TMEM220: variants seen among roughly 807,000 people sequenced by gnomAD.
TMEM220 encodes the protein transmembrane protein 220.
Under a neutral mutation model 21.7 loss-of-function variants are expected in TMEM220, and 21 were observed. That is an observed-to-expected ratio of 0.97 (90% CI 0.69 to 1.39). The LOEUF (loss-of-function observed/expected upper bound fraction) is 1.39, where lower values mean the gene tolerates loss of function less well. TMEM220 is among the 40% of genes most tolerant of loss of function. The pLI, the probability that TMEM220 is intolerant of heterozygous loss-of-function variation, is 0.00. For missense variants in TMEM220, 191 were observed against 201.9 expected (o/e 0.95, Z 0.33); for synonymous variants, 80 against 73.6 (o/e 1.09, Z -0.45).
intron 2 of TMEM220, among the ~76,000 whole-genome samples, chr17:10,728,197 T>C (rs539737327): frequency 6.0e-5 from 9 of 149,436 alleles, no homozygotes; most frequent in Admixed American, 2.0e-4. Flanking sequence ...AGAAGATGTA[T>C]GGAACAATGG....
chr17:10,723,165 G>C (rs2075011896), intron 5 of TMEM220, 105 bp downstream of exon 5: 1 of 959,864 alleles, frequency 1.0e-6, no homozygotes, highest in Non-Finnish European at 1.7e-6. Context: ...TATTTTAGTA[G>C]AGACAGGGTT....
intron 4 of TMEM220, chr17:10,724,608 G>C (rs1336540941): frequency 6.1e-6 from 1 of 163,852 alleles, no homozygotes; most frequent in African/African-American, 2.4e-5. Context: ...ACTGACCTCT[G>C]AGATGGCTGC....
Position 10,717,820 on chromosome 17 carries a change from G to T in TMEM220, c.348-2232C>A, listed in dbSNP as rs181658158. Among the ~76,000 whole-genome samples, 140 of 151,790 alleles carry T rather than the reference G, an allele frequency of 9.2e-4. 1 individual carries two copies. In the East Asian group the frequency reaches 0.022, roughly 24 times the overall value. ...TAGGAAAAATTTAAATTATGAACTC[G>T]ATTTTTTTTTTTCTTTGAGACGGAG... is the stretch of plus-strand genomic sequence containing the variant. On this transcript the variant is annotated intron_variant, in intron 5 of 5. Transcript: ENST00000341871.
At chr17:10,717,933 G>A (rs1456285005) in intron 5 of TMEM220, among the ~76,000 whole-genome samples, 1 of 151,866 alleles carries the variant, frequency 6.6e-6, no homozygotes, top group Non-Finnish European at 1.5e-5. Context: ...CGATTCTCCT[G>A]CCTCAGCCTC....
At position 10,725,716 on chromosome 17, in the gene TMEM220, C is replaced by T. The variant is rs79894679; in HGVS notation, c.163+488G>A. Among the ~76,000 whole-genome samples, 56 of 152,330 alleles carry T rather than the reference C, an allele frequency of 3.7e-4. No homozygotes were observed. The East Asian group carries it at 9.5e-3, about 26-fold the overall frequency. ...AGTCTGAAGCCAGCACCACCCTTCA[C>T]CTTTTCAGTAAACTGTACCAATACC... is the stretch of plus-strand genomic sequence containing the variant. On this transcript the variant is annotated intron_variant, in intron 3 of 5. Transcript: ENST00000341871.
rs1301904337 is a variant in TMEM220 at position 10,729,952 on chromosome 17, AC to A, written c.-102del. On this transcript the variant is annotated 5_prime_UTR_variant, in exon 1 of 6. Transcript: ENST00000341871. ...TTCCTCCTTGCGCGGAGGGACCGAG[AC>A]CCCCGCCTCGGTTTCGGTGCCTTGG... 11 of 1,231,836 alleles carry A rather than the reference AC, an allele frequency of 8.9e-6. No individual in the cohort carries two copies. The highest frequency in any genetic ancestry group is 9.1e-6 in the Non-Finnish European group (9 of 987,250). 76.3% of individuals were successfully genotyped at this position (1,231,836 alleles called of 1,614,324 possible).
At chr17:10,726,358 A>G in intron 2 of TMEM220, 94 bp from the exon 3 acceptor site, 1 of 1,030,456 alleles carries the variant, frequency 9.7e-7, no homozygotes, top group Non-Finnish European at 1.5e-6. Flanking sequence ...AGATGAGATC[A>G]GTGGCTGCTG....
intron 5 of TMEM220, among the ~76,000 whole-genome samples, chr17:10,717,239 AAT>A (rs1345084503): frequency 3.9e-5 from 6 of 152,352 alleles, no homozygotes; most frequent in Admixed American, 3.9e-4. Context: ...TACAAGTGGC[AAT>A]ATGGCCAGCC....
chr17:10,726,326 C>A, intron 2 of TMEM220, 62 bp from the exon 3 acceptor site: 2 of 1,314,714 alleles, frequency 1.5e-6, no homozygotes, highest in South Asian at 2.4e-5. Context: ...ATGAGATGTT[C>A]AGAGATACAG....
chr17:10,724,302 C>G (rs577655329), intron 4 of TMEM220, among the ~76,000 whole-genome samples: 27 of 152,278 alleles, frequency 1.8e-4, no homozygotes, highest in African/African-American at 6.5e-4. Flanking sequence ...GATCTTTTGG[C>G]TGGGTGCGGT....
chr17:10,725,166 C>G, intron 3 of TMEM220, 32 bp from the exon 4 acceptor site: 1 of 1,609,614 alleles, frequency 6.2e-7, no homozygotes, highest in Middle Eastern at 1.7e-4. Flanking sequence ...TTGTTAACCA[C>G]GGAATCACAG....
rs2074873082 is a variant in TMEM220 at position 10,713,671 on chromosome 17, A to T, written c.*1782T>A. ...CAAATCCTTTATGTGTATTTTACTG[A>T]CCCTTAAGTTTCACTTTGACTGTTT... On this transcript the variant is annotated 3_prime_UTR_variant, in exon 6 of 6. Coordinates refer to ENST00000341871, the MANE Select transcript of TMEM220 (RefSeq NM_001004313.3). 1 of 152,100 alleles carries T rather than the reference A, an allele frequency of 6.6e-6. No individual in the cohort carries two copies. Among genetic ancestry groups the T allele is most frequent in the African/African-American group, 2.4e-5 (1 of 41,402 alleles). 9.4% of individuals were successfully genotyped at this position (152,100 alleles called of 1,614,324 possible). A position where few individuals can be genotyped will look rare whatever the true frequency, so the allele number is the denominator to read the frequency against.
chr17:10,722,692 C>T (rs184671232), intron 5 of TMEM220, among the ~76,000 whole-genome samples: 5 of 152,174 alleles, frequency 3.3e-5, no homozygotes, highest in South Asian at 2.1e-4. Context: ...TATGTACACA[C>T]GCACTTATAT....
At chr17:10,711,385 A>G (rs538529693), downstream of TMEM220, among the ~76,000 whole-genome samples, 1 of 152,336 alleles carries the variant, frequency 6.6e-6, no homozygotes, top group East Asian at 1.9e-4. Context: ...CATAAGGGGC[A>G]TATAGTCCTC....
downstream of TMEM220, among the ~76,000 whole-genome samples, chr17:10,712,207 CCTT>C (rs1198924948): frequency 1.3e-5 from 2 of 152,310 alleles, no homozygotes; most frequent in South Asian, 2.1e-4. Flanking sequence ...GCTCATGGCC[CCTT>C]CTTCTGTCTT....
intron 4 of TMEM220, among the ~76,000 whole-genome samples, chr17:10,723,836 T>C (rs1436225610): frequency 6.6e-6 from 1 of 152,212 alleles, no homozygotes; most frequent in African/African-American, 2.4e-5. Context: ...ATCAGACTAA[T>C]AATTTGGGGG....
intron 5 of TMEM220, 95 bp from the exon 6 acceptor site, chr17:10,715,683 A>G (rs2074908066): frequency 3.3e-6 from 3 of 905,066 alleles, no homozygotes; most frequent in Admixed American, 3.5e-5. Flanking sequence ...ATTACATTTT[A>G]GTATGTTCTC....
In TMEM220 at chr17:10,715,155, GC is replaced by G. The variant is rs2074895856; in HGVS notation, c.*297del. 4.4e-6 allele frequency: 1 copy of G among 225,500 alleles called. No homozygotes were observed. Among genetic ancestry groups the G allele is most frequent in the Non-Finnish European group, 8.6e-6 (1 of 116,250 alleles). 14.0% of individuals were successfully genotyped at this position (225,500 alleles called of 1,614,324 possible). Reference sequence around the variant, plus strand: ...TATCCACCAGGAGGTTTATATATTTGCCCAAATTACATAGTTACAAAGTTAA... The same window carrying G: ...TATCCACCAGGAGGTTTATATATTTGCCAAATTACATAGTTACAAAGTTAA... On this transcript the variant is annotated 3_prime_UTR_variant, in exon 6 of 6. Transcript: ENST00000341871.
intron 4 of TMEM220, among the ~76,000 whole-genome samples, chr17:10,724,163 TTAA>T (rs1333828576): frequency 6.6e-6 from 1 of 152,160 alleles, no homozygotes; most frequent in Non-Finnish European, 1.5e-5. Context: ...AAAGGACCTA[TTAA>T]TAAGTCCTCA....
Sources: gnomAD v4.1 joint callset for allele counts (sites outside exome capture counted in the v4.1 genomes callset) on GRCh38, gnomAD v4.1.1 for gene constraint, MANE v1.5 for transcripts, NCBI Gene and HGNC (gene_info 2026-07-23, HGNC 2026-07-21) for gene names.